Variants in RNF217 observed in about 807,000 individuals in gnomAD.
RNF217 encodes the protein ring finger protein 217.
RNF217 carries 31 observed loss-of-function variants against 57.8 expected under a neutral mutation model. That is an observed-to-expected ratio of 0.54 (90% CI 0.40 to 0.72). RNF217 has a LOEUF of 0.72. Among genes scored for constraint, RNF217 ranks in the 30% least tolerant of loss-of-function variants. The probability of loss-of-function intolerance (pLI) is 0.00; values close to 1 mark genes in which losing one functional copy is unlikely to be tolerated. For synonymous variants in RNF217, 313 were observed against 294.0 expected (o/e 1.06, Z -0.66); for missense variants, 696 against 708.3 (o/e 0.98, Z 0.20).
chr6:125,065,580 A>G (rs9491297), intron 3 of RNF217, among the ~76,000 whole-genome samples: 9,524 of 152,178 alleles, frequency 0.063, 947 homozygotes, highest in African/African-American at 0.21. Flanking sequence ...GAGCTGTGTT[A>G]TAGATGATGA....
intron 1 of RNF217, chr6:125,009,473 G>GA (rs112538609): frequency 0.025 from 9,750 of 397,328 alleles, 9 homozygotes; most frequent in Non-Finnish European, 0.028. Flanking sequence ...TAAGAAGGCA[G>GA]AAAAAAAAAA....
chr6:125,080,673 G>T (rs1050057406), intron 4 of RNF217, among the ~76,000 whole-genome samples: 2 of 152,020 alleles, frequency 1.3e-5, no homozygotes, highest in Non-Finnish European at 2.9e-5. Flanking sequence ...AAGTCAGTGG[G>T]ATTCTGATGT....
chr6:125,011,436 G>A (rs950813562), intron 1 of RNF217, among the ~76,000 whole-genome samples: 2 of 152,222 alleles, frequency 1.3e-5, no homozygotes, highest in East Asian at 1.9e-4. Context: ...GGCCAGATAC[G>A]TGTTCAATTG....
At chr6:125,051,333 A>G (rs535990758) in intron 2 of RNF217, among the ~76,000 whole-genome samples, 1 of 151,948 alleles carries the variant, frequency 6.6e-6, no homozygotes, top group African/African-American at 2.4e-5. Flanking sequence ...TCTCTCTCTG[A>G]TGGCCCCCGA....
chr6:125,041,403 C>T (rs1321311585), intron 1 of RNF217, among the ~76,000 whole-genome samples: 1 of 152,106 alleles, frequency 6.6e-6, no homozygotes, highest in Non-Finnish European at 1.5e-5. Context: ...GTCAGTCCTC[C>T]TCATAAAACC....
intron 1 of RNF217, among the ~76,000 whole-genome samples, chr6:124,999,955 ATTG>A (rs1396460873): frequency 2.0e-5 from 3 of 152,170 alleles, no homozygotes; most frequent in Non-Finnish European, 2.9e-5. Flanking sequence ...AATGAACAAT[ATTG>A]TTGTTTTTGC....
At chr6:125,071,841 G>A (rs1364649698) in intron 3 of RNF217, among the ~76,000 whole-genome samples, 5 of 152,194 alleles carry the variant, frequency 3.3e-5, no homozygotes, top group South Asian at 2.1e-4. Flanking sequence ...TTATCTAATG[G>A]ATTAGGATTA....
At chr6:124,992,362 T>A (rs1784591374) in intron 1 of RNF217, among the ~76,000 whole-genome samples, 1 of 152,110 alleles carries the variant, frequency 6.6e-6, no homozygotes. Context: ...TATTCCCAAA[T>A]GAAAACTTGA....
intron 3 of RNF217, among the ~76,000 whole-genome samples, chr6:125,071,158 C>T (rs1231289235): frequency 6.6e-6 from 1 of 152,070 alleles, no homozygotes; most frequent in Non-Finnish European, 1.5e-5. Flanking sequence ...GCAGATGGTT[C>T]CCAAGTTAGG....
intron 1 of RNF217, among the ~76,000 whole-genome samples, chr6:124,968,052 G>T: frequency 6.6e-6 from 1 of 152,144 alleles, no homozygotes; most frequent in South Asian, 2.1e-4. Flanking sequence ...AGTGCTGGGG[G>T]ATTACAGGCA....
intron 1 of RNF217, among the ~76,000 whole-genome samples, chr6:124,973,480 A>G (rs957680327): frequency 4.6e-5 from 7 of 152,212 alleles, no homozygotes; most frequent in Admixed American, 4.6e-4. Context: ...CTACTTTCAT[A>G]ACTAGCACCT....
At chr6:125,076,145 A>T (rs937256420) in intron 3 of RNF217, among the ~76,000 whole-genome samples, 14 of 152,328 alleles carry the variant, frequency 9.2e-5, no homozygotes, top group African/African-American at 3.4e-4. Flanking sequence ...AAAACTAAAA[A>T]GGTATTGCAA....
chr6:125,068,861 G>GT (rs746538972), intron 3 of RNF217, among the ~76,000 whole-genome samples: 17 of 152,132 alleles, frequency 1.1e-4, no homozygotes, highest in Non-Finnish European at 2.5e-4. Flanking sequence ...ATATGAAAAG[G>GT]TGAAGGTAAT....
rs574258643 is a variant in RNF217 at position 125,052,290 on chromosome 6, G to GTGTA, written c.1117-5649_1117-5648insATGT. Among the ~76,000 whole-genome samples the GTGTA allele has an allele frequency of 9.1e-5, 12 of 131,728 alleles. No homozygotes were observed. In the South Asian group the frequency reaches 1.8e-3, roughly 20 times the overall value. 86.4% of individuals were successfully genotyped at this position (131,728 alleles called of 152,430 possible). ...GCTTACCTTGTCATGCGTTTTGTGT[G>GTGTA]TGTGTGTGTGTGTGTGTGTGTGTGT... On this transcript the variant is annotated intron_variant, in intron 2 of 5. Coordinates refer to ENST00000521654, the MANE Select transcript of RNF217 (RefSeq NM_001286398.3).
intron 3 of RNF217, among the ~76,000 whole-genome samples, 172 bp from the exon 4 acceptor site, chr6:125,076,485 T>C (rs1244845503): frequency 6.6e-6 from 1 of 152,288 alleles, no homozygotes; most frequent in Admixed American, 6.5e-5. Context: ...AAGTATTTGG[T>C]AAAAGGATAA....
intron 1 of RNF217, among the ~76,000 whole-genome samples, chr6:125,044,119 TC>T (rs1399076427): frequency 6.6e-6 from 1 of 152,000 alleles, no homozygotes; most frequent in African/African-American, 2.4e-5. Context: ...CGTGGCTTTC[TC>T]CCATTCCTAC....
intron 3 of RNF217, among the ~76,000 whole-genome samples, chr6:125,061,691 A>G (rs1787738691): frequency 6.6e-6 from 1 of 151,644 alleles, no homozygotes. Flanking sequence ...TTGTTTTACT[A>G]AATATGTTAT....
chr6:125,031,821 T>A (rs111814408), intron 1 of RNF217, among the ~76,000 whole-genome samples: 4 of 152,298 alleles, frequency 2.6e-5, no homozygotes, highest in African/African-American at 9.6e-5. Context: ...CATTTTCGGG[T>A]ATCTTTTCAG....
chr6:125,087,895 A>G lies in RNF217; in HGVS notation c.*4958A>G, dbSNP rs917334031. ...AAAAGAAATCTCCCTCACTAAAAAT[A>G]TGATCAATCAAAACTACCAGTTTTG... On this transcript the variant is annotated 3_prime_UTR_variant, in exon 6 of 6. Coordinates refer to ENST00000521654, the MANE Select transcript of RNF217 (RefSeq NM_001286398.3). The G allele has an allele frequency of 2.0e-5, 3 of 152,064 alleles. No homozygotes were observed. The highest frequency in any genetic ancestry group is 2.1e-4 in the South Asian group (1 of 4,830). The allele number at this position is 152,064 out of a possible 1,614,324, so 9.4% of individuals were successfully genotyped here. A position where few individuals can be genotyped will look rare whatever the true frequency, so the allele number is the denominator to read the frequency against.
Sources: allele counts gnomAD v4.1 joint callset (sites outside exome capture counted in the v4.1 genomes callset), GRCh38; gene constraint gnomAD v4.1.1; transcripts MANE v1.5; gene names NCBI Gene and HGNC (gene_info 2026-07-23, HGNC 2026-07-21).